RRM2: variants seen among roughly 807,000 people sequenced by gnomAD.
RRM2 encodes ribonucleoside-diphosphate reductase subunit M2.
A neutral mutation model predicts 45.9 loss-of-function variants in RRM2; 6 were observed. The observed-to-expected ratio is 0.13, with a 90% CI of 0.07 to 0.26. The LOEUF (loss-of-function observed/expected upper bound fraction) is 0.26. Among genes scored for constraint, RRM2 ranks in the 10% least tolerant of loss-of-function variants. The pLI is 1.00. For missense variants in RRM2, 343 were observed against 489.5 expected (o/e 0.70, Z 2.82); for synonymous variants, 177 against 173.0 (o/e 1.02, Z -0.18).
rs1572530569 is a variant in RRM2 at position 10,195,014 on chromosome 2, G to A, written n.483-15297G>A. On this transcript the variant is annotated intron_variant and non_coding_transcript_variant, in intron 3 of 3. Coordinates refer to the RRM2 transcript ENST00000381786. This position sits in a 1 kb window ranked among gnomAD's most constrained non-coding sequence, Gnocchi z 4.9. ...GTGGGTTTACAGCCAAGGCCTGTGAGGCACGTGACCACCAAAACCCTCACG... is the reference window on the plus strand; with the variant it reads ...GTGGGTTTACAGCCAAGGCCTGTGAAGCACGTGACCACCAAAACCCTCACG... Among the ~76,000 whole-genome samples, 1 of 152,212 alleles carries A rather than the reference G, an allele frequency of 6.6e-6. No individual in the cohort carries two copies. Among genetic ancestry groups the A allele is most frequent in the East Asian group, 1.9e-4 (1 of 5,196 alleles).
intron 3 of RRM2, among the ~76,000 whole-genome samples, chr2:10,209,029 GTTTCTTTCTTTC>G (rs56795856): frequency 6.0e-4 from 81 of 135,978 alleles, no homozygotes; most frequent in African/African-American, 1.5e-3. Flanking sequence ...GCAGAAAGTG[GTTTCTTTCTTTC>G]TTTCTTTCTT....
chr2:10,180,090 A>G (rs1262329489), intron 3 of RRM2, among the ~76,000 whole-genome samples: 1 of 152,130 alleles, frequency 6.6e-6, no homozygotes, highest in Non-Finnish European at 1.5e-5. Flanking sequence ...CCCTTCCCCC[A>G]GAGGAGGTCT....
chr2:10,164,614 G>A (rs1480894148), intron 3 of RRM2, among the ~76,000 whole-genome samples: 2 of 152,190 alleles, frequency 1.3e-5, no homozygotes, highest in Non-Finnish European at 2.9e-5. Flanking sequence ...TAAACAGTTT[G>A]AATGCCATCC....
Position 10,131,062 on chromosome 2 carries a change from C to T in RRM2, c.*1676C>T, listed in dbSNP as rs905256462. 5 of 152,140 alleles carry T rather than the reference C, an allele frequency of 3.3e-5. No individual in the cohort carries two copies. The highest frequency in any genetic ancestry group is 1.2e-4 in the African/African-American group (5 of 41,424). 9.4% of individuals were successfully genotyped at this position (152,140 alleles called of 1,614,324 possible). On this transcript the variant is annotated 3_prime_UTR_variant, in exon 10 of 10. Transcript: ENST00000304567. ...ATTGTATTCAGTATTTGAACGTCGTCCTGTTTATTGTTAGTTTTCTTCATC... is the reference window on the plus strand; with the variant it reads ...ATTGTATTCAGTATTTGAACGTCGTTCTGTTTATTGTTAGTTTTCTTCATC...
chr2:10,152,239 T>C (rs2357465), intron 3 of RRM2, among the ~76,000 whole-genome samples: 96,126 of 151,466 alleles, frequency 0.63, 31,004 homozygotes, highest in African/African-American at 0.7. Context: ...TGAGCCACCA[T>C]GCCCGGCCCC....
intron 3 of RRM2, among the ~76,000 whole-genome samples, chr2:10,201,594 A>G (rs980592895): frequency 2.6e-5 from 4 of 152,168 alleles, no homozygotes; most frequent in African/African-American, 7.2e-5. Flanking sequence ...TGATCATAAA[A>G]CCACCTTCTA....
At chr2:10,158,575 A>C (rs537671847) in intron 3 of RRM2, among the ~76,000 whole-genome samples, 49 of 152,136 alleles carry the variant, frequency 3.2e-4, no homozygotes, top group Non-Finnish European at 5.1e-4. Context: ...TGGATGAAGC[A>C]GCCCTGGCTC....
chr2:10,205,258 G>A lies in RRM2; in HGVS notation n.483-5053G>A, dbSNP rs576937773. The stretch of plus-strand genomic sequence containing the variant: ...GTGGGGCTCGGTATTGACGATCAGC[G>A]AACAGTCTCCTGGGGAGTCAGCTTG... On this transcript the variant is annotated intron_variant and non_coding_transcript_variant, in intron 3 of 3. Coordinates refer to the RRM2 transcript ENST00000381786. This position sits in a 1 kb window ranked among gnomAD's most constrained non-coding sequence, Gnocchi z 4.8. Among the ~76,000 whole-genome samples the A allele has an allele frequency of 1.2e-4, 18 of 152,300 alleles. No individual in the cohort carries two copies. The highest frequency in any genetic ancestry group is 2.9e-4 in the African/African-American group (12 of 41,560).
intron 3 of RRM2, among the ~76,000 whole-genome samples, chr2:10,165,860 C>T (rs989837362): frequency 6.6e-6 from 1 of 152,236 alleles, no homozygotes; most frequent in Admixed American, 6.5e-5. Context: ...TCCCTGTGCA[C>T]ATGCCCCGTG....
At chr2:10,183,625 A>T (rs1305395264) in intron 3 of RRM2, among the ~76,000 whole-genome samples, 1 of 151,692 alleles carries the variant, frequency 6.6e-6, no homozygotes, top group Non-Finnish European at 1.5e-5. Flanking sequence ...CAAGGTGGGC[A>T]GATCACTTGA....
In RRM2 at chr2:10,210,607, C is replaced by A. The variant is rs575150992; in HGVS notation, n.779C>A. 3.7e-6 allele frequency: 5 copies of A among 1,361,846 alleles called. No homozygotes were observed. In the Admixed American group the frequency reaches 9.6e-5, roughly 26 times the overall value. The allele number at this position is 1,361,846 out of a possible 1,614,324, so 84.4% of individuals were successfully genotyped here. Reference sequence around the variant, plus strand: ...CCCCAGGGCCCCATAGACAGCAGATCTGCTGCTTTCAATCACACCCACTGC... The same window carrying A: ...CCCCAGGGCCCCATAGACAGCAGATATGCTGCTTTCAATCACACCCACTGC... On this transcript the variant is annotated non_coding_transcript_exon_variant, in exon 4 of 4. Transcript: ENST00000381786.
At chr2:10,174,925 T>C (rs1444037267) in intron 3 of RRM2, among the ~76,000 whole-genome samples, 1 of 151,490 alleles carries the variant, frequency 6.6e-6, no homozygotes, top group African/African-American at 2.4e-5. Context: ...TCTTATGCAG[T>C]ACCTCCTCAT....
chr2:10,191,137 A>G (rs1664296465), intron 3 of RRM2, among the ~76,000 whole-genome samples: 1 of 152,194 alleles, frequency 6.6e-6, no homozygotes, highest in Non-Finnish European at 1.5e-5. Flanking sequence ...GCTGAGGACA[A>G]GGAAGTCAGG....
rs1558404441 is a variant in RRM2 at position 10,195,019 on chromosome 2, G to A, written n.483-15292G>A. On this transcript the variant is annotated intron_variant and non_coding_transcript_variant, in intron 3 of 3. Transcript: ENST00000381786. The surrounding 1 kb of genome is among the most constrained non-coding windows in gnomAD (Gnocchi z 4.9). ...TTTACAGCCAAGGCCTGTGAGGCACGTGACCACCAAAACCCTCACGAGGCC... is the reference window on the plus strand; with the variant it reads ...TTTACAGCCAAGGCCTGTGAGGCACATGACCACCAAAACCCTCACGAGGCC... 6.6e-6 allele frequency among the ~76,000 whole-genome samples: 1 copy of A among 152,322 alleles called. No homozygotes were observed. The highest frequency in any genetic ancestry group is 1.5e-5 in the Non-Finnish European group (1 of 68,036).
intron 3 of RRM2, among the ~76,000 whole-genome samples, chr2:10,162,153 A>C (rs556779395): frequency 8.5e-5 from 13 of 152,316 alleles, no homozygotes; most frequent in African/African-American, 3.1e-4. Context: ...TTTAGTGGGA[A>C]GAGAGGTGCC....
intron 5 of RRM2, 86 bp downstream of exon 5, chr2:10,124,936 A>C (rs1662748998): frequency 6.9e-6 from 9 of 1,297,706 alleles, no homozygotes; most frequent in Non-Finnish European, 9.7e-6. Context: ...AGGGATAAAA[A>C]TGACTCCAGA....
Position 10,172,905 on chromosome 2 carries a change from C to T in RRM2, n.482+30530C>T, listed in dbSNP as rs1421818942. 2.6e-5 allele frequency among the ~76,000 whole-genome samples: 4 copies of T among 152,210 alleles called. No individual in the cohort carries two copies. The highest frequency in any genetic ancestry group is 9.7e-5 in the African/African-American group (4 of 41,442). On this transcript the variant is annotated intron_variant and non_coding_transcript_variant, in intron 3 of 3. Coordinates refer to the RRM2 transcript ENST00000381786. The surrounding 1 kb of genome is among the most constrained non-coding windows in gnomAD (Gnocchi z 4.9). ...CCGGTGATGCCAACCCCCTGAGTCC[C>T]GGGGAACAGTGGCAAATCAGCACTC...
At chr2:10,165,850 T>A (rs1359646568) in intron 3 of RRM2, among the ~76,000 whole-genome samples, 1 of 152,212 alleles carries the variant, frequency 6.6e-6, no homozygotes, top group African/African-American at 2.4e-5. Flanking sequence ...TGCTTCCTGG[T>A]CCCTGTGCAC....
chr2:10,155,419 CA>C (rs1294319210), intron 3 of RRM2, among the ~76,000 whole-genome samples: 2 of 152,142 alleles, frequency 1.3e-5, no homozygotes, highest in African/African-American at 2.4e-5. Flanking sequence ...GCCGGTGAGC[CA>C]GGGGGCAGCC....
Sources: allele counts gnomAD v4.1 joint callset (sites outside exome capture counted in the v4.1 genomes callset), GRCh38; gene constraint gnomAD v4.1.1; non-coding constraint Gnocchi (gnomAD v3.1); transcripts MANE v1.5; gene names NCBI Gene and HGNC (gene_info 2026-07-23, HGNC 2026-07-21).